The following DCHS1 variants were observed in gnomAD, a reference collection of about 807,000 sequenced individuals.
DCHS1 encodes the protein dachsous cadherin-related 1.
In DCHS1, 78 loss-of-function variants were observed where a neutral mutation model predicts 213.9. The ratio of observed to expected loss-of-function variants is 0.36; its 90% CI spans 0.30 to 0.44. The LOEUF is 0.44. Ranked by LOEUF, DCHS1 falls within the 20% of genes least tolerant of loss-of-function variation. The pLI is 1.00. For missense variants in DCHS1, 3,946 were observed against 4,395.9 expected, an observed-to-expected ratio of 0.90 and a Z score of 2.89; for synonymous variants, 1,828 against 1,873.7, an observed-to-expected ratio of 0.98 and a Z score of 0.63.
In DCHS1 at chr11:6,640,665, C is replaced by T. The variant is rs1229040206; in HGVS notation, c.949G>A (p.Glu317Lys). ...IDAHTGLLQL[E>K]RPLDFEQRRV... ...CGCTGCTCAAAGTCCAGTGGCCGCT[C>T]TAACTGCAGCAGCCCCGTGTGTGCG... The change falls in exon 2 of 21, where the codon GAG becomes AAG. Residue 317 changes from glutamate (E) to lysine (K), a missense_variant. Physicochemically the swap from Glu to Lys is moderately conservative, Grantham distance 56. Around this residue, in one of 3 missense-constraint regions of DCHS1, gnomAD observed 3,384 missense variants for 3,780.1 expected, o/e 0.90. Transcript: ENST00000299441. This position sits in a 1 kb window ranked among gnomAD's most constrained non-coding sequence, Gnocchi z 6.5. 2 of 1,613,182 alleles carry T rather than the reference C, an allele frequency of 1.2e-6. No individual in the cohort carries two copies. The highest frequency in any genetic ancestry group is 1.7e-6 in the Non-Finnish European group (2 of 1,179,898).
chr11:6,622,533 T>A lies in DCHS1; in HGVS notation c.9143A>T (p.Asn3048Ile), dbSNP rs1473476389. 2 of 1,580,610 alleles carry A rather than the reference T, an allele frequency of 1.3e-6. No homozygotes were observed. The highest frequency in any genetic ancestry group is 4.6e-5 in the East Asian group (2 of 43,226). ...CACACTGGCCACACGGGGGAACTCA[T>A]TGATCATGCGGATCTCATCATCCTC... ...AAEDDEIRMI[N>I]EFPRVASVAS... The change falls in exon 21 of 21, where the codon AAT becomes ATT. Residue 3048 changes from asparagine to isoleucine, a missense_variant. Asn to Ile is a moderately radical substitution (Grantham distance 149, BLOSUM62 -3). Coordinates refer to ENST00000299441, the MANE Select transcript of DCHS1 (RefSeq NM_003737.4). This position sits in a 1 kb window ranked among gnomAD's most constrained non-coding sequence, Gnocchi z 5.4.
intron 5 of DCHS1, among the ~76,000 whole-genome samples, 158 bp downstream of exon 5, chr11:6,633,254 C>G (rs1431801194): frequency 6.6e-6 from 1 of 152,108 alleles, no homozygotes; most frequent in East Asian, 1.9e-4. Context: ...AAGCAGTGTG[C>G]CTGCACTGTG....
intron 1 of DCHS1, among the ~76,000 whole-genome samples, chr11:6,646,913 TG>T (rs1405735370): frequency 6.8e-6 from 1 of 147,246 alleles, no homozygotes; most frequent in Non-Finnish European, 1.5e-5. Context: ...AGAGGTGGGC[TG>T]GGGGGGAGGA....
chr11:6,642,574 G>C (rs1035678680), intron 1 of DCHS1, among the ~76,000 whole-genome samples: 1 of 133,996 alleles, frequency 7.5e-6, no homozygotes, highest in South Asian at 2.7e-4. Context: ...AGAGTGAACA[G>C]TATGTGGAAA....
At position 6,621,857 on chromosome 11, in the gene DCHS1, C is replaced by A. The variant is rs773383828; in HGVS notation, c.9819G>T (p.Val3273=). ...ARSPVVSPFG[V]AQGPSASALS... is the part of the protein sequence containing the mutation. ...GTGCTGAGGCTGAGGGACCCTGGGC[C>A]ACCCCAAATGGTGAGACAACGGGTG... The change falls in exon 21 of 21, where the codon GTG becomes GTT. Residue 3273 remains valine (V), a synonymous_variant. Coordinates refer to ENST00000299441, the MANE Select transcript of DCHS1 (RefSeq NM_003737.4). 29 of 1,611,328 alleles carry A rather than the reference C, an allele frequency of 1.8e-5. No homozygotes were observed. In the South Asian group the frequency reaches 3.2e-4, roughly 18 times the overall value.
intron 2 of DCHS1, among the ~76,000 whole-genome samples, chr11:6,636,569 G>A (rs1855988577): frequency 6.6e-6 from 1 of 152,014 alleles, no homozygotes; most frequent in Admixed American, 6.6e-5. Flanking sequence ...GGAACTCTTG[G>A]GCTCAAGTAA....
Position 6,628,868 on chromosome 11 carries a change from T to A in DCHS1, c.5162-38A>T. On this transcript the variant is annotated intron_variant, in intron 12 of 20. Transcript: ENST00000299441. The surrounding 1 kb of genome is among the most constrained non-coding windows in gnomAD (Gnocchi z 4.3). ...AAAATCAATGAGGTCTAGTCTGCCC[T>A]CACCACATGGAGAAATCCACACCAC... 1 of 1,584,186 alleles carries A rather than the reference T, an allele frequency of 6.3e-7. No homozygotes were observed. Among genetic ancestry groups the A allele is most frequent in the Non-Finnish European group, 8.6e-7 (1 of 1,163,130 alleles).
In DCHS1 at chr11:6,629,593, A is replaced by G; in HGVS notation, c.5036-16T>C. 1 of 1,613,536 alleles carries G rather than the reference A, an allele frequency of 6.2e-7. No individual in the cohort carries two copies. Among genetic ancestry groups the G allele is most frequent in the Non-Finnish European group, 8.5e-7 (1 of 1,179,690 alleles). On this transcript the variant is annotated splice_polypyrimidine_tract_variant and intron_variant, in intron 11 of 20. Transcript: ENST00000299441. ...CCGTTGGCCCCTGAGGAGGGGCAGCATGGAGGGCGATCAGAGGGTAAAAAT... is the reference window on the plus strand; with the variant it reads ...CCGTTGGCCCCTGAGGAGGGGCAGCGTGGAGGGCGATCAGAGGGTAAAAAT...
chr11:6,652,079 G>A (rs1461088918), intron 1 of DCHS1, among the ~76,000 whole-genome samples: 1 of 152,106 alleles, frequency 6.6e-6, no homozygotes, highest in Non-Finnish European at 1.5e-5. Context: ...GACATTCAGG[G>A]GGCATACAAA....
Position 6,623,301 on chromosome 11 carries a change from T to C in DCHS1, c.8375A>G (p.Asn2792Ser), listed in dbSNP as rs771601009. The change falls in exon 21 of 21, where the codon AAT (asparagine) becomes AGT (serine). Residue 2792 changes from asparagine (N) to serine (S), a missense_variant. By Grantham distance (46) the Asn-to-Ser change is conservative. Transcript: ENST00000299441. ...RLLVGAADAG[N>S]LSASVTVSVL... ...CGACACAGTGACAGAGGCTGAGAGA[T>C]TCCCAGCATCAGCAGCACCCACCAG... 8 of 1,590,152 alleles carry C rather than the reference T, an allele frequency of 5.0e-6. No homozygotes were observed. Among genetic ancestry groups the C allele is most frequent in the Non-Finnish European group, 6.8e-6 (8 of 1,168,266 alleles).
intron 1 of DCHS1, among the ~76,000 whole-genome samples, chr11:6,649,969 C>T (rs1856221243): frequency 6.6e-6 from 1 of 152,104 alleles, no homozygotes; most frequent in African/African-American, 2.4e-5. Context: ...TAATAATTTT[C>T]CTTCTGAATC....
intron 1 of DCHS1, among the ~76,000 whole-genome samples, chr11:6,652,464 G>A (rs1589965110): frequency 6.6e-6 from 1 of 152,166 alleles, no homozygotes; most frequent in Admixed American, 6.5e-5. Context: ...CTTAGTTAAC[G>A]GGGTATTACA....
rs940621456 is a variant in DCHS1 at position 6,632,288 on chromosome 11, A to G, written c.3224T>C (p.Val1075Ala). Reference protein sequence around the residue: ...QELYILKVMAVSGSKAELGQQ... With the variant: ...QELYILKVMAASGSKAELGQQ... ...CCCCAACTCAGCTTTGGACCCAGACACTGCCATTACCTTCAGTATGTACAA... is the reference window on the plus strand; with the variant it reads ...CCCCAACTCAGCTTTGGACCCAGACGCTGCCATTACCTTCAGTATGTACAA... Residue 1075 changes from valine (V) to alanine (A), a missense_variant, in exon 6 of 21, where the codon GTG becomes GCG. By Grantham distance (64) the Val-to-Ala change is moderately conservative (BLOSUM62 0). This residue lies in a region of DCHS1 where 3,384 missense variants were observed against 3,780.1 expected (regional missense o/e 0.90). Coordinates refer to ENST00000299441, the MANE Select transcript of DCHS1 (RefSeq NM_003737.4). The surrounding 1 kb of genome is among the most constrained non-coding windows in gnomAD (Gnocchi z 5.9). 6.2e-7 allele frequency: 1 copy of G among 1,613,898 alleles called. No individual in the cohort carries two copies. The highest frequency in any genetic ancestry group is 1.7e-5 in the Admixed American group (1 of 60,006).
Position 6,632,153 on chromosome 11 carries a change from G to C in DCHS1, c.3359C>G (p.Pro1120Arg). 6.3e-7 allele frequency: 1 copy of C among 1,592,140 alleles called. No individual in the cohort carries two copies. The highest frequency in any genetic ancestry group is 1.3e-5 in the African/African-American group (1 of 74,734). Residue 1120 changes from proline to arginine, a missense_variant, in exon 6 of 21, where the codon CCA becomes CGA. Coordinates refer to ENST00000299441, the MANE Select transcript of DCHS1 (RefSeq NM_003737.4). The surrounding 1 kb of genome is among the most constrained non-coding windows in gnomAD (Gnocchi z 5.9). ...TFLAVAENQP[P>R]GTSVGRVFAT... ...AAAGACTCGGCCCACGCTGGTCCCT[G>C]GGGGCTGGTTCTCAGCCACAGCCAG...
In DCHS1 at chr11:6,630,573, T is replaced by C; in HGVS notation, c.4221A>G (p.Val1407=). 6.5e-7 allele frequency: 1 copy of C among 1,541,288 alleles called. No individual in the cohort carries two copies. Among genetic ancestry groups the C allele is most frequent in the Non-Finnish European group, 8.7e-7 (1 of 1,151,120 alleles). ...EAGPPWRALT[V]RAEGPGGAGA... ...CCGCGCCTCCCGGCCCCTCAGCGCG[T>C]ACCGTAAGCGCGCGCCACGGCGGGC... The change falls in exon 10 of 21, where the codon GTA becomes GTG. Residue 1407 remains valine, a synonymous_variant. Coordinates refer to ENST00000299441, the MANE Select transcript of DCHS1 (RefSeq NM_003737.4).
intron 1 of DCHS1, among the ~76,000 whole-genome samples, chr11:6,654,185 G>T (rs1856283791): frequency 6.6e-6 from 1 of 152,128 alleles, no homozygotes; most frequent in African/African-American, 2.4e-5. Context: ...TCAGAAGTTG[G>T]GACAGGTCTT....
chr11:6,622,280 G>A lies in DCHS1; in HGVS notation c.9396C>T (p.Asp3132=). 6.2e-7 allele frequency: 1 copy of A among 1,606,984 alleles called. No homozygotes were observed. Among genetic ancestry groups the A allele is most frequent in the Non-Finnish European group, 8.5e-7 (1 of 1,177,386 alleles). ...GCGLSPAPTG[D]YGFPADGKPC... ...GCTTGCCATCTGCTGGGAAGCCATA[G>A]TCCCCAGTGGGTGCAGGGCTCAGGC... The change falls in exon 21 of 21, where the codon GAC becomes GAT. Residue 3132 remains aspartate, a synonymous_variant. Coordinates refer to ENST00000299441, the MANE Select transcript of DCHS1 (RefSeq NM_003737.4). This position sits in a 1 kb window ranked among gnomAD's most constrained non-coding sequence, Gnocchi z 5.4.
At chr11:6,631,590 G>T in intron 7 of DCHS1, 26 bp downstream of exon 7, 1 of 1,553,868 alleles carries the variant, frequency 6.4e-7, no homozygotes, top group East Asian at 2.3e-5. Context: ...ACACTTCTCA[G>T]GACAAAGTCC....
Position 6,640,659 on chromosome 11 carries a change from G to A in DCHS1, c.955C>T (p.Pro319Ser). The A allele has an allele frequency of 1.2e-6, 2 of 1,612,836 alleles. No individual in the cohort carries two copies. The highest frequency in any genetic ancestry group is 1.7e-6 in the Non-Finnish European group (2 of 1,179,888). The change falls in exon 2 of 21, where the codon CCA becomes TCA. Residue 319 changes from proline to serine, a missense_variant. Pro to Ser is a moderately conservative substitution (Grantham distance 74). Around this residue, in one of 3 missense-constraint regions of DCHS1, gnomAD observed 3,384 missense variants for 3,780.1 expected, o/e 0.90. Coordinates refer to ENST00000299441, the MANE Select transcript of DCHS1 (RefSeq NM_003737.4). The surrounding 1 kb of genome is among the most constrained non-coding windows in gnomAD (Gnocchi z 6.5). ...ACCCGCCGCTGCTCAAAGTCCAGTG[G>A]CCGCTCTAACTGCAGCAGCCCCGTG... ...AHTGLLQLERPLDFEQRRVHE... is the reference protein window; with the variant it reads ...AHTGLLQLERSLDFEQRRVHE...
Sources: allele counts gnomAD v4.1 joint callset (sites outside exome capture counted in the v4.1 genomes callset), GRCh38; gene constraint gnomAD v4.1.1; regional missense constraint gnomAD v4.1.1; non-coding constraint Gnocchi (gnomAD v3.1); transcripts MANE v1.5; gene names NCBI Gene and HGNC (gene_info 2026-07-23, HGNC 2026-07-21).